Variants in NEDD4L observed in about 807,000 individuals in gnomAD.
NEDD4L encodes NEDD4 like E3 ubiquitin protein ligase.
In NEDD4L, 54 loss-of-function variants were observed where a neutral mutation model predicts 148.9. The observed-to-expected ratio is 0.36, with a 90% CI of 0.29 to 0.45. The LOEUF (loss-of-function observed/expected upper bound fraction) is 0.45, where lower values mean the gene tolerates loss of function less well. Among genes scored for constraint, NEDD4L ranks in the 20% least tolerant of loss-of-function variants. The pLI, the probability that NEDD4L is intolerant of heterozygous loss-of-function variation, is 1.00. For missense variants in NEDD4L, 856 were observed against 1,233.8 expected (o/e 0.69, Z 4.59); for synonymous variants, 433 against 440.7 (o/e 0.98, Z 0.22).
intron 2 of NEDD4L, among the ~76,000 whole-genome samples, chr18:58,222,611 G>A (rs1235884085): frequency 6.6e-6 from 1 of 152,112 alleles, no homozygotes; most frequent in Non-Finnish European, 1.5e-5. Flanking sequence ...TGGTTATAGT[G>A]TATCCATATG....
At chr18:58,049,581 A>G (rs936061518) in intron 1 of NEDD4L, among the ~76,000 whole-genome samples, 1 of 152,210 alleles carries the variant, frequency 6.6e-6, no homozygotes, top group Non-Finnish European at 1.5e-5. Flanking sequence ...TACCCAGGAC[A>G]TATAGGTAAT....
At chr18:58,068,115 A>G (rs148946038) in intron 1 of NEDD4L, among the ~76,000 whole-genome samples, 1 of 151,378 alleles carries the variant, frequency 6.6e-6, no homozygotes, top group East Asian at 1.9e-4. Flanking sequence ...ATGTGCCACT[A>G]CACCCAGTGA....
At chr18:58,149,618 C>T in intron 1 of NEDD4L, 1 of 1,098,444 alleles carries the variant, frequency 9.1e-7, no homozygotes, top group Non-Finnish European at 1.4e-6. Context: ...CTGTGGCATT[C>T]TGAAGCTCTC....
chr18:58,334,268 C>G (rs1323919238), intron 12 of NEDD4L, among the ~76,000 whole-genome samples: 2 of 152,240 alleles, frequency 1.3e-5, no homozygotes, highest in African/African-American at 4.8e-5. Flanking sequence ...AAGAACTCTT[C>G]TGGGCGACCG....
At chr18:58,087,200 A>G (rs2083801176) in intron 1 of NEDD4L, among the ~76,000 whole-genome samples, 1 of 152,240 alleles carries the variant, frequency 6.6e-6, no homozygotes, top group South Asian at 2.1e-4. Context: ...TGCCTTAGCT[A>G]CATTCAGCCA....
rs2043579512 is a variant in NEDD4L at position 58,349,407 on chromosome 18, G to T, written c.1576-130G>T. On this transcript the variant is annotated intron_variant, in intron 16 of 30. Coordinates refer to ENST00000400345, the MANE Select transcript of NEDD4L (RefSeq NM_001144967.3). ...GGCTTCCTGTACAAAACAGAGATGGGACCCATCTCACGCTCCAGGCATGGA... is the reference window on the plus strand; with the variant it reads ...GGCTTCCTGTACAAAACAGAGATGGTACCCATCTCACGCTCCAGGCATGGA... The T allele has an allele frequency of 4.4e-6, 3 of 686,216 alleles. No individual in the cohort carries two copies. In the South Asian group the frequency reaches 5.2e-5, roughly 12 times the overall value. The allele number at this position is 686,216 out of a possible 1,614,324, so 42.5% of individuals were successfully genotyped here. A position where few individuals can be genotyped will look rare whatever the true frequency, so the allele number is the denominator to read the frequency against.
intron 8 of NEDD4L, among the ~76,000 whole-genome samples, chr18:58,323,822 T>A (rs1191214157): frequency 6.6e-6 from 1 of 152,208 alleles, no homozygotes; most frequent in East Asian, 1.9e-4. Flanking sequence ...GGAATGTCCC[T>A]TTTTTCCTTC....
chr18:58,214,866 C>T (rs2147807664), intron 2 of NEDD4L, among the ~76,000 whole-genome samples: 1 of 148,110 alleles, frequency 6.8e-6, no homozygotes, highest in East Asian at 2.0e-4. Context: ...GGCTGGAGTG[C>T]AGCGATGCCA....
At chr18:58,073,104 CAAAA>C (rs1022050367) in intron 1 of NEDD4L, among the ~76,000 whole-genome samples, 3 of 152,000 alleles carry the variant, frequency 2.0e-5, no homozygotes, top group African/African-American at 7.2e-5. Context: ...ACCTAAAAAA[CAAAA>C]GAAAGGACAT....
chr18:58,253,358 C>T (rs2048144993), intron 5 of NEDD4L, among the ~76,000 whole-genome samples: 1 of 152,140 alleles, frequency 6.6e-6, no homozygotes, highest in Non-Finnish European at 1.5e-5. Flanking sequence ...GTATTATTCT[C>T]CAAAAGAGAA....
chr18:58,273,491 A>G (rs1411660461), intron 5 of NEDD4L, among the ~76,000 whole-genome samples: 6 of 152,212 alleles, frequency 3.9e-5, no homozygotes, highest in Non-Finnish European at 8.8e-5. Context: ...TTCCTGAGAT[A>G]TAGACACGGT....
chr18:58,339,916 T>C (rs1488034395), intron 13 of NEDD4L, among the ~76,000 whole-genome samples: 1 of 152,156 alleles, frequency 6.6e-6, no homozygotes, highest in Non-Finnish European at 1.5e-5. Context: ...GAAATTTGTA[T>C]CCTCAGCCTA....
chr18:58,251,614 C>T (rs1324964979), intron 4 of NEDD4L, among the ~76,000 whole-genome samples: 1 of 152,074 alleles, frequency 6.6e-6, no homozygotes, highest in African/African-American at 2.4e-5. Flanking sequence ...CAATCTTCTT[C>T]ATTATTTTTA....
At chr18:58,262,367 G>A (rs1217620063) in intron 5 of NEDD4L, among the ~76,000 whole-genome samples, 1 of 152,172 alleles carries the variant, frequency 6.6e-6, no homozygotes, top group Non-Finnish European at 1.5e-5. Context: ...GGAGGCTCAT[G>A]TCTGTAATCC....
At chr18:58,301,493 T>C (rs2056454900) in intron 5 of NEDD4L, among the ~76,000 whole-genome samples, 1 of 152,236 alleles carries the variant, frequency 6.6e-6, no homozygotes, top group Admixed American at 6.5e-5. Context: ...CAGTCTAATT[T>C]ACCTCTCAGA....
At chr18:58,252,172 GA>G in intron 5 of NEDD4L, 118 bp downstream of exon 5, 1 of 710,614 alleles carries the variant, frequency 1.4e-6, no homozygotes, top group Non-Finnish European at 2.5e-6. Flanking sequence ...TGCCCAAAAA[GA>G]AGACTGTTTT....
chr18:58,157,272 TA>T (rs372595520), intron 1 of NEDD4L, among the ~76,000 whole-genome samples: 57 of 152,286 alleles, frequency 3.7e-4, no homozygotes, highest in African/African-American at 1.1e-3. Context: ...GCCTGTTTAT[TA>T]ACTATCCTGG....
chr18:58,337,932 A>G (rs1010024273), intron 13 of NEDD4L, among the ~76,000 whole-genome samples: 1 of 152,126 alleles, frequency 6.6e-6, no homozygotes, highest in African/African-American at 2.4e-5. Context: ...GGCCCTCCCC[A>G]TGAGATAAAA....
intron 2 of NEDD4L, among the ~76,000 whole-genome samples, chr18:58,166,770 TGAG>T (rs2036895345): frequency 6.6e-6 from 1 of 152,172 alleles, no homozygotes; most frequent in Admixed American, 6.5e-5. Flanking sequence ...AGGTGACTGG[TGAG>T]GAGAGTTCCA....
Sources: gnomAD v4.1 joint callset for allele counts (sites outside exome capture counted in the v4.1 genomes callset) on GRCh38, gnomAD v4.1.1 for gene constraint, MANE v1.5 for transcripts, NCBI Gene and HGNC (gene_info 2026-07-23, HGNC 2026-07-21) for gene names.